HPX: variants seen among roughly 807,000 people sequenced by gnomAD.
The protein encoded by HPX is hemopexin.
Under a neutral mutation model 53.8 loss-of-function variants are expected in HPX, and 42 were observed. The ratio of observed to expected loss-of-function variants is 0.78; its 90% confidence interval spans 0.61 to 1.01. The LOEUF is 1.01. Among genes scored for constraint, HPX ranks in the 50% least tolerant of loss-of-function variants. HPX has a pLI of 0.00. For missense variants in HPX, 547 were observed against 594.3 expected, an observed-to-expected ratio of 0.92 and a Z score of 0.83; for synonymous variants, 229 against 221.1, an observed-to-expected ratio of 1.04 and a Z score of -0.32.
chr11:6,439,159 G>A (rs994132080), intron 4 of HPX, among the ~76,000 whole-genome samples: 2 of 152,218 alleles, frequency 1.3e-5, no homozygotes, highest in South Asian at 2.1e-4. Flanking sequence ...AGTGAGGAAA[G>A]GGTGTTACCA....
At chr11:6,439,460 G>C (rs974353020) in intron 4 of HPX, 1 of 152,536 alleles carries the variant, frequency 6.6e-6, no homozygotes, top group South Asian at 2.1e-4. Context: ...CATACAATTG[G>C]AAAGAGATGT....
chr11:6,436,645 CA>C (rs1236494207), intron 7 of HPX, among the ~76,000 whole-genome samples: 2 of 152,162 alleles, frequency 1.3e-5, no homozygotes, highest in Admixed American at 6.5e-5. Flanking sequence ...GAGGATAAAT[CA>C]GGGGGAGCCA....
chr11:6,433,615 T>A (rs999780809), intron 7 of HPX, among the ~76,000 whole-genome samples: 3 of 152,268 alleles, frequency 2.0e-5, no homozygotes, highest in African/African-American at 7.2e-5. Flanking sequence ...GCTAGCTGGA[T>A]TCCTTGCTTA....
At chr11:6,433,103 C>T (rs1358602410) in intron 7 of HPX, among the ~76,000 whole-genome samples, 1 of 152,218 alleles carries the variant, frequency 6.6e-6, no homozygotes, top group Non-Finnish European at 1.5e-5. Flanking sequence ...ACCAGCCACT[C>T]AGTTGCTGAG....
In HPX at chr11:6,438,538, T is replaced by C. The variant is rs2306896; in HGVS notation, c.337-29A>G. 156 of 1,608,440 alleles carry C rather than the reference T, an allele frequency of 9.7e-5. No individual in the cohort carries two copies. The East Asian group carries it at 3.4e-3, about 35-fold the overall frequency. On this transcript the variant is annotated intron_variant, in intron 4 of 9. Transcript: ENST00000265983. ...CATTCAAAAGTACTCTCTTTTTGAC[T>C]GTGCATCCCCAGATACTGCCACTCT...
At chr11:6,439,818 T>C (rs1849461164) in intron 4 of HPX, 2 of 352,298 alleles carry the variant, frequency 5.7e-6, no homozygotes, top group Admixed American at 3.9e-5. Flanking sequence ...CCAGGTGCCA[T>C]TGTGTTGGGA....
intron 1 of HPX, 64 bp downstream of exon 1, chr11:6,440,817 A>AAC: frequency 1.3e-6 from 2 of 1,596,650 alleles, no homozygotes; most frequent in East Asian, 2.2e-5. Context: ...GAGGCCTAAA[A>AAC]ACTGGCCCTA....
rs1317864160 is a variant in HPX, at chr11:6,437,431, C to T, written c.703+9G>A. 1.2e-6 allele frequency: 2 copies of T among 1,611,376 alleles called. No homozygotes were observed. Among genetic ancestry groups the T allele is most frequent in the East Asian group, 2.2e-5 (1 of 44,878 alleles). Reference sequence around the variant, plus strand: ...TTCTGACAGGTCTCAAGTGCTAGGGCTTTCTCACCTCTGCCAGGGCAGGGC... The same window carrying T: ...TTCTGACAGGTCTCAAGTGCTAGGGTTTTCTCACCTCTGCCAGGGCAGGGC... On this transcript the variant is annotated intron_variant, in intron 6 of 9. Transcript: ENST00000265983.
At chr11:6,437,202 A>G (rs1380536523) in intron 6 of HPX, 25 bp from the exon 7 acceptor site, 2 of 1,606,756 alleles carry the variant, frequency 1.2e-6, no homozygotes, top group African/African-American at 1.3e-5. Flanking sequence ...GGGTGAGGAG[A>G]ACACAGAAGG....
chr11:6,440,259 C>G lies in HPX; in HGVS notation c.242G>C (p.Trp81Ser). 1 of 1,614,008 alleles carries G rather than the reference C, an allele frequency of 6.2e-7. No individual in the cohort carries two copies. The highest frequency in any genetic ancestry group is 8.5e-7 in the Non-Finnish European group (1 of 1,180,014). The change falls in exon 4 of 10, where the codon TGG (tryptophan) becomes TCG (serine). Residue 81 changes from tryptophan to serine, a missense_variant. By Grantham distance (177) the Trp-to-Ser change is radical. Transcript: ENST00000265983. ...TCTCTCTGAGATTAACTCCCGGTCCCATTTGTGACTCTTCCACACAAACTC... is the reference window on the plus strand; with the variant it reads ...TCTCTCTGAGATTAACTCCCGGTCCGATTTGTGACTCTTCCACACAAACTC... ...KGEFVWKSHKWDRELISERWK... is the reference protein window; with the variant it reads ...KGEFVWKSHKSDRELISERWK...
rs1240062846 is a variant in HPX at position 6,431,298 on chromosome 11, G to A, written c.1302C>T (p.Tyr434=). The A allele has an allele frequency of 6.2e-7, 1 of 1,614,142 alleles. No individual in the cohort carries two copies. Among genetic ancestry groups the A allele is most frequent in the Non-Finnish European group, 8.5e-7 (1 of 1,180,046 alleles). The part of the protein sequence containing the change: ...GLYLIHGPNL[Y]CYSDVEKLNA... Reference sequence around the variant, plus strand: ...TCAGTTTCTCCACATCACTGTAGCAGTACAAATTGGGACCATGGATGAGGT... The same window carrying A: ...TCAGTTTCTCCACATCACTGTAGCAATACAAATTGGGACCATGGATGAGGT... Residue 434 remains tyrosine (Y), a synonymous_variant, in exon 10 of 10, where the codon TAC becomes TAT. Transcript: ENST00000265983.
chr11:6,438,698 CACTATT>C (rs1231938015), intron 4 of HPX, among the ~76,000 whole-genome samples, 189 bp from the exon 5 acceptor site: 4 of 152,204 alleles, frequency 2.6e-5, no homozygotes, highest in African/African-American at 9.7e-5. Flanking sequence ...CAAATCCAGT[CACTATT>C]ACTATAACAC....
At chr11:6,439,264 G>A (rs1387728517) in intron 4 of HPX, among the ~76,000 whole-genome samples, 1 of 152,172 alleles carries the variant, frequency 6.6e-6, no homozygotes. Flanking sequence ...AATGTGGCAG[G>A]GGAGGAGATA....
chr11:6,438,137 G>A (rs767211685), intron 5 of HPX: 2 of 592,336 alleles, frequency 3.4e-6, no homozygotes, highest in Middle Eastern at 4.6e-4. Context: ...GAACAATGAG[G>A]GACTATTCAC....
chr11:6,437,914 A>C, intron 5 of HPX: 1 of 570,200 alleles, frequency 1.8e-6, no homozygotes. Context: ...GTAGGAATTA[A>C]AAGGCACACA....
intron 5 of HPX, 39 bp from the exon 6 acceptor site, chr11:6,437,691 G>A (rs530609531): frequency 6.5e-7 from 1 of 1,543,540 alleles, no homozygotes; most frequent in Non-Finnish European, 8.9e-7. Flanking sequence ...GTGAGACCGG[G>A]TTACGCCCTC....
Position 6,437,489 on chromosome 11 carries a change from G to C in HPX, c.654C>G (p.Pro218=). The C allele has an allele frequency of 6.2e-7, 1 of 1,614,194 alleles. No homozygotes were observed. Among genetic ancestry groups the C allele is most frequent in the South Asian group, 1.1e-5 (1 of 91,086 alleles). The change falls in exon 6 of 10, where the codon CCC becomes CCG. Residue 218 remains proline (P), a synonymous_variant. Transcript: ENST00000265983. ...RFDPVRGEVP[P]RYPRDVRDYF... ...AGTCTCGGACATCCCGCGGGTACCT[G>C]GGAGGCACCTCTCCCCTGACAGGGT...
Position 6,431,405 on chromosome 11 carries a change from G to T in HPX, c.1195C>A (p.Pro399Thr), listed in dbSNP as rs1222817428. The T allele has an allele frequency of 6.2e-7, 1 of 1,614,232 alleles. No individual in the cohort carries two copies. The highest frequency in any genetic ancestry group is 1.1e-5 in the South Asian group (1 of 91,086). The change falls in exon 10 of 10, where the codon CCC (proline) becomes ACC (threonine). Residue 399 changes from proline to threonine, a missense_variant. By Grantham distance (38) the Pro-to-Thr change is conservative (BLOSUM62 -1). Coordinates refer to ENST00000265983, the MANE Select transcript of HPX (RefSeq NM_000613.3). ...AAGGCTCCGTCTACCTTCTCATGGG[G>T]CCAAGGAAGCTCTGTCCACGTGGCT... is the stretch of plus-strand genomic sequence containing the variant. ...AQATWTELPW[P>T]HEKVDGALCM...
chr11:6,438,485 G>A lies in HPX; in HGVS notation c.361C>T (p.Pro121Ser). Residue 121 changes from proline (P) to serine (S), a missense_variant, in exon 5 of 10, where the codon CCT becomes TCT. Transcript: ENST00000265983. Reference protein sequence around the residue: ...IKGDKVWVYPPEKKEKGYPKL... With the variant: ...IKGDKVWVYPSEKKEKGYPKL... ...GGGTATCCTTTCTCCTTCTTTTCAG[G>A]AGGGTATACCCAGACTTTGTCCCCC... 1 of 1,614,114 alleles carries A rather than the reference G, an allele frequency of 6.2e-7. No homozygotes were observed. The highest frequency in any genetic ancestry group is 1.7e-5 in the Admixed American group (1 of 60,014).
Sources: allele counts gnomAD v4.1 joint callset (sites outside exome capture counted in the v4.1 genomes callset), GRCh38; gene constraint gnomAD v4.1.1; transcripts MANE v1.5; gene names NCBI Gene and HGNC (gene_info 2026-07-23, HGNC 2026-07-21).